Variants in TAF4B observed in about 807,000 individuals in gnomAD.
TAF4B encodes the protein transcription initiation factor TFIID subunit 4B.
TAF4B carries 38 observed loss-of-function variants against 86.4 expected under a neutral mutation model. The observed-to-expected ratio is 0.44, with a 90% confidence interval of 0.34 to 0.58. The LOEUF (loss-of-function observed/expected upper bound fraction) is 0.58. Ranked by LOEUF, TAF4B falls within the 20% of genes least tolerant of loss-of-function variation. The pLI, the probability that TAF4B is intolerant of heterozygous loss-of-function variation, is 0.02. For missense variants in TAF4B, 988 were observed against 1,027.6 expected (o/e 0.96, Z 0.53); for synonymous variants, 388 against 391.2 (o/e 0.99, Z 0.10).
chr18:26,293,193 A>G (rs1165062293), intron 8 of TAF4B, among the ~76,000 whole-genome samples: 1 of 152,192 alleles, frequency 6.6e-6, no homozygotes, highest in African/African-American at 2.4e-5. Flanking sequence ...ATATTTTTAT[A>G]ATACTGCTAA....
chr18:26,241,739 C>T (rs1346355730), intron 1 of TAF4B, among the ~76,000 whole-genome samples: 3 of 152,172 alleles, frequency 2.0e-5, no homozygotes, highest in African/African-American at 4.8e-5. Flanking sequence ...ATAAATTTCC[C>T]TCTACACACT....
Position 26,265,293 on chromosome 18 carries a change from C to G in TAF4B, c.467C>G (p.Thr156Arg). ...SRPAVPANPQ[T>R]VKICTVPNSS... ...CCAGCAGTACCAGCGAATCCTCAAA[C>G]AGTCAAAATCTGTACAGTGCCGGTA... Residue 156 changes from threonine (T) to arginine (R), a missense_variant, in exon 2 of 15, where the codon ACA (threonine) becomes AGA (arginine). Physicochemically the swap from Thr to Arg is moderately conservative, Grantham distance 71 (BLOSUM62 -1). Transcript: ENST00000269142. 1 of 1,613,062 alleles carries G rather than the reference C, an allele frequency of 6.2e-7. No homozygotes were observed. The highest frequency in any genetic ancestry group is 8.5e-7 in the Non-Finnish European group (1 of 1,179,794).
At chr18:26,380,635 A>T (rs771948841) in intron 14 of TAF4B, among the ~76,000 whole-genome samples, 2 of 152,004 alleles carry the variant, frequency 1.3e-5, no homozygotes, top group East Asian at 1.9e-4. Context: ...TTGTTTTTTT[A>T]AAAGTTTTAT....
rs575939776 is a variant in TAF4B, at chr18:26,240,838, A to T, written c.343+13562A>T. Among the ~76,000 whole-genome samples, 10 of 152,298 alleles carry T rather than the reference A, an allele frequency of 6.6e-5. 1 individual carries two copies. The South Asian group carries it at 2.1e-3, about 32-fold the overall frequency. ...AAAGGCCTTTTCCACATCTATTGAGATAATCATGTGGTTTTTGTCTTTGGT... is the reference window on the plus strand; with the variant it reads ...AAAGGCCTTTTCCACATCTATTGAGTTAATCATGTGGTTTTTGTCTTTGGT... On this transcript the variant is annotated intron_variant, in intron 1 of 14. Coordinates refer to ENST00000269142, the MANE Select transcript of TAF4B (RefSeq NM_005640.3).
chr18:26,315,192 C>CACACACACA, intron 9 of TAF4B, 37 bp from the exon 10 acceptor site: 1 of 1,333,240 alleles, frequency 7.5e-7, no homozygotes, highest in Non-Finnish European at 1.0e-6. Flanking sequence ...CACACACACA[C>CACACACACA]AACCTAAAAT....
At chr18:26,333,571 A>G (rs1231645702) in intron 12 of TAF4B, among the ~76,000 whole-genome samples, 6 of 152,024 alleles carry the variant, frequency 3.9e-5, no homozygotes, top group Admixed American at 6.6e-5. Flanking sequence ...TTAAATTTTT[A>G]GTAGAAATGG....
At chr18:26,351,349 T>C (rs993436712) in intron 13 of TAF4B, among the ~76,000 whole-genome samples, 2 of 151,944 alleles carry the variant, frequency 1.3e-5, no homozygotes, top group African/African-American at 4.8e-5. Flanking sequence ...GAACAGAGAA[T>C]AGTAGAGGAT....
At chr18:26,304,408 C>G (rs1385470822) in intron 9 of TAF4B, among the ~76,000 whole-genome samples, 1 of 152,020 alleles carries the variant, frequency 6.6e-6, no homozygotes, top group African/African-American at 2.4e-5. Context: ...GAGCAAGAAA[C>G]TATTTTTAAA....
chr18:26,339,164 A>G (rs1201302721), intron 13 of TAF4B, among the ~76,000 whole-genome samples: 2 of 152,148 alleles, frequency 1.3e-5, no homozygotes, highest in Non-Finnish European at 2.9e-5. Flanking sequence ...AAACATTATA[A>G]GCGTCCTCTC....
chr18:26,234,644 A>C (rs1478248952), intron 1 of TAF4B, among the ~76,000 whole-genome samples: 1 of 152,162 alleles, frequency 6.6e-6, no homozygotes, highest in East Asian at 1.9e-4. Flanking sequence ...ATCGATATAT[A>C]GGTTAAGGTC....
At chr18:26,388,993 G>A (rs1178143295) in intron 14 of TAF4B, among the ~76,000 whole-genome samples, 1 of 151,960 alleles carries the variant, frequency 6.6e-6, no homozygotes, top group Non-Finnish European at 1.5e-5. Context: ...TTTATTTTTA[G>A]TAGAGACGGG....
At chr18:26,293,621 A>C in intron 9 of TAF4B, 90 bp downstream of exon 9, 2 of 713,170 alleles carry the variant, frequency 2.8e-6, no homozygotes, top group Non-Finnish European at 4.5e-6. Flanking sequence ...TAAAATAGAT[A>C]TACTGATGCC....
At chr18:26,367,374 A>G (rs1055358703) in intron 14 of TAF4B, among the ~76,000 whole-genome samples, 5 of 152,156 alleles carry the variant, frequency 3.3e-5, no homozygotes, top group Non-Finnish European at 5.9e-5. Context: ...GGGTATGGGG[A>G]ATTAACTGGA....
At chr18:26,344,528 G>A (rs1259224997) in intron 13 of TAF4B, among the ~76,000 whole-genome samples, 1 of 152,098 alleles carries the variant, frequency 6.6e-6, no homozygotes, top group Non-Finnish European at 1.5e-5. Context: ...AAAATTCATT[G>A]CCAACAGAGT....
rs1272484329 is a variant in TAF4B, at chr18:26,346,931, G to A, written c.2317-10759G>A. On this transcript the variant is annotated intron_variant, in intron 13 of 14. Coordinates refer to ENST00000269142, the MANE Select transcript of TAF4B (RefSeq NM_005640.3). Reference sequence around the variant, plus strand: ...TGTATATATATATATATAGTTTTTTGTTGTTTTTTGACAGAGTCTTGCTCT... The same window carrying A: ...TGTATATATATATATATAGTTTTTTATTGTTTTTTGACAGAGTCTTGCTCT... Among the ~76,000 whole-genome samples, 10 of 98,178 alleles carry A rather than the reference G, an allele frequency of 1.0e-4. 1 individual carries two copies. Among genetic ancestry groups the A allele is most frequent in the African/African-American group, 3.4e-4 (10 of 29,712 alleles). The allele number at this position is 98,178 out of a possible 152,430, so 64.4% of individuals were successfully genotyped here.
Position 26,360,371 on chromosome 18 carries a change from G to A in TAF4B, c.2421+2577G>A, listed in dbSNP as rs140342037. 1.8e-4 allele frequency among the ~76,000 whole-genome samples: 27 copies of A among 152,092 alleles called. No homozygotes were observed. The East Asian group carries it at 5.0e-3, about 28-fold the overall frequency. On this transcript the variant is annotated intron_variant, in intron 14 of 14. Coordinates refer to ENST00000269142, the MANE Select transcript of TAF4B (RefSeq NM_005640.3). ...CATTTTCAATTTTTCTTTTTCCCAT[G>A]GAGTTACATTTTTCAATCCATTAAG...
intron 9 of TAF4B, among the ~76,000 whole-genome samples, chr18:26,306,984 T>C (rs2056801961): frequency 6.6e-6 from 1 of 151,984 alleles, no homozygotes; most frequent in Admixed American, 6.6e-5. Flanking sequence ...AGTTTCACCG[T>C]GTTAGCCAGG....
chr18:26,292,806 T>C (rs936513446), intron 8 of TAF4B, among the ~76,000 whole-genome samples: 9 of 152,186 alleles, frequency 5.9e-5, no homozygotes, highest in African/African-American at 2.2e-4. Flanking sequence ...GGATTACAGG[T>C]GTGAGCCACT....
intron 9 of TAF4B, among the ~76,000 whole-genome samples, chr18:26,314,563 A>G (rs1298535626): frequency 1.3e-5 from 2 of 152,204 alleles, no homozygotes; most frequent in African/African-American, 2.4e-5. Context: ...GGTTTAACGA[A>G]TTCAGTTGGT....
Sources: allele counts gnomAD v4.1 joint callset (sites outside exome capture counted in the v4.1 genomes callset), GRCh38; gene constraint gnomAD v4.1.1; transcripts MANE v1.5; gene names NCBI Gene and HGNC (gene_info 2026-07-23, HGNC 2026-07-21).